CRTC3: variants seen among roughly 807,000 people sequenced by gnomAD.
CRTC3 encodes the protein CREB regulated transcription coactivator 3.
Under a neutral mutation model 74.5 loss-of-function variants are expected in CRTC3, and 26 were observed. The ratio of observed to expected loss-of-function variants is 0.35; its 90% CI spans 0.26 to 0.48. The LOEUF is 0.48. CRTC3 is among the 20% of genes least tolerant of loss of function. CRTC3 has a pLI of 0.99. For synonymous variants in CRTC3, 377 were observed against 325.8 expected, an observed-to-expected ratio of 1.16 and a Z score of -1.69; for missense variants, 760 against 787.3, an observed-to-expected ratio of 0.97 and a Z score of 0.41.
intron 3 of CRTC3, chr15:90,598,223 G>A (rs1459240561): frequency 1.8e-5 from 10 of 564,586 alleles, no homozygotes; most frequent in African/African-American, 7.6e-5. Context: ...TACACTGACC[G>A]CACAGGGACG....
Position 90,629,472 on chromosome 15 carries a change from T to A in CRTC3, c.1206T>A (p.His402Gln), listed in dbSNP as rs1277853908. 8 of 1,614,078 alleles carry A rather than the reference T, an allele frequency of 5.0e-6. No individual in the cohort carries two copies. The highest frequency in any genetic ancestry group is 6.8e-6 in the Non-Finnish European group (8 of 1,180,014). Residue 402 changes from histidine to glutamine, a missense_variant, in exon 11 of 15, where the codon CAT (histidine) becomes CAA (glutamine). By Grantham distance (24) the His-to-Gln change is conservative. This residue lies in a region of CRTC3 where 652 missense variants were observed against 635.2 expected (regional missense o/e 1.03). Transcript: ENST00000268184. Reference sequence around the variant, plus strand: ...CGCTTTCTCCTGGCCCTGAAGCACATCAAGGTTTCAGCAGACAGCTGTCTT... The same window carrying A: ...CGCTTTCTCCTGGCCCTGAAGCACAACAAGGTTTCAGCAGACAGCTGTCTT... ...PLTLSPGPEA[H>Q]QGFSRQLSST...
intron 2 of CRTC3, among the ~76,000 whole-genome samples, chr15:90,565,686 T>G (rs999772837): frequency 1.3e-5 from 2 of 152,224 alleles, no homozygotes; most frequent in Non-Finnish European, 2.9e-5. Context: ...TTTTCATTAT[T>G]ATATCTGTTA....
intron 11 of CRTC3, among the ~76,000 whole-genome samples, chr15:90,630,756 A>ATGTTT (rs1969008088): frequency 4.2e-5 from 1 of 23,632 alleles, no homozygotes; most frequent in African/African-American, 1.1e-4. Flanking sequence ...TTACAGCATC[A>ATGTTT]TTTTTTTTTT....
Position 90,638,577 on chromosome 15 carries a change from G to A in CRTC3, c.1398G>A (p.Glu466=). 1 of 1,613,058 alleles carries A rather than the reference G, an allele frequency of 6.2e-7. No individual in the cohort carries two copies. Among genetic ancestry groups the A allele is most frequent in the African/African-American group, 1.3e-5 (1 of 75,026 alleles). The change falls in exon 12 of 15, where the codon GAG becomes GAA. Residue 466 remains glutamate, a synonymous_variant. Transcript: ENST00000268184. ...TCCTGCAGCAGCCCCGCGCCCCTGA[G>A]GCCCCTGCCCAGCAGCCCCAGGCAG... ...QPLLQQPRAP[E]APAQQPQAAS...
At chr15:90,634,042 T>C (rs1159946019) in intron 11 of CRTC3, among the ~76,000 whole-genome samples, 1 of 152,162 alleles carries the variant, frequency 6.6e-6, no homozygotes, top group Non-Finnish European at 1.5e-5. Flanking sequence ...ATAATAGAAT[T>C]TTCCTAAATT....
intron 2 of CRTC3, among the ~76,000 whole-genome samples, chr15:90,554,699 A>C (rs1596079653): frequency 6.6e-6 from 1 of 152,200 alleles, no homozygotes; most frequent in Non-Finnish European, 1.5e-5. Flanking sequence ...TGTTACTAGT[A>C]CCTACTTCAC....
intron 2 of CRTC3, among the ~76,000 whole-genome samples, chr15:90,570,301 A>C (rs1481041818): frequency 6.6e-6 from 1 of 152,108 alleles, no homozygotes; most frequent in Non-Finnish European, 1.5e-5. Context: ...GGTGGGTGTG[A>C]GGGATGGAGG....
At chr15:90,600,362 C>T (rs71407313) in intron 3 of CRTC3, 11,838 of 152,330 alleles carry the variant, frequency 0.078, 642 homozygotes, top group East Asian at 0.16. Context: ...GGCCCCACTC[C>T]ATCAAGGCTC....
intron 5 of CRTC3, among the ~76,000 whole-genome samples, chr15:90,606,511 G>A (rs541520494): frequency 3.3e-5 from 5 of 151,476 alleles, no homozygotes; most frequent in African/African-American, 9.7e-5. Context: ...GCAGTGAGCC[G>A]AGATCACACC....
Position 90,629,295 on chromosome 15 carries a change from C to T in CRTC3, c.1029C>T (p.Ser343=), listed in dbSNP as rs1968950311. Residue 343 remains serine (S), a synonymous_variant, in exon 11 of 15, where the codon TCC becomes TCT. Coordinates refer to ENST00000268184, the MANE Select transcript of CRTC3 (RefSeq NM_022769.5). ...IQATLNKTVL[S]SSLNNHPQTS... is the part of the protein sequence containing the mutation. Reference sequence around the variant, plus strand: ...CCACGCTCAATAAGACTGTGCTTTCCTCTTCCTTAAATAACCACCCACAGA... The same window carrying T: ...CCACGCTCAATAAGACTGTGCTTTCTTCTTCCTTAAATAACCACCCACAGA... 1.2e-6 allele frequency: 2 copies of T among 1,614,034 alleles called. No homozygotes were observed. Among genetic ancestry groups the T allele is most frequent in the Non-Finnish European group, 8.5e-7 (1 of 1,180,026 alleles).
chr15:90,607,317 A>T, intron 5 of CRTC3, 61 bp from the exon 6 acceptor site: 1 of 933,274 alleles, frequency 1.1e-6, no homozygotes, highest in Non-Finnish European at 1.7e-6. Context: ...TTCAACAAAG[A>T]CTATTGCATT....
intron 2 of CRTC3, among the ~76,000 whole-genome samples, chr15:90,556,639 C>T (rs1233151908): frequency 1.3e-5 from 2 of 152,022 alleles, no homozygotes; most frequent in Non-Finnish European, 1.5e-5. Context: ...CTGTGTAATA[C>T]GTCTTATATA....
intron 13 of CRTC3, among the ~76,000 whole-genome samples, chr15:90,640,611 G>A (rs927486058): frequency 5.3e-5 from 8 of 152,078 alleles, no homozygotes; most frequent in African/African-American, 1.9e-4. Flanking sequence ...GAGCCTGGGA[G>A]CTGGAGGTTT....
In CRTC3 at chr15:90,644,280, G is replaced by T. The variant is rs1423366208; in HGVS notation, c.*2140G>T. The T allele has an allele frequency of 1.3e-5, 3 of 229,502 alleles. No individual in the cohort carries two copies. The allele number at this position is 229,502 out of a possible 1,614,324, so 14.2% of individuals were successfully genotyped here. Reference sequence around the variant, plus strand: ...CTACCCAGCACCCCATGTGCCAAAAGAAACCAGCTCCTGTGTCAAAGGGCT... The same window carrying T: ...CTACCCAGCACCCCATGTGCCAAAATAAACCAGCTCCTGTGTCAAAGGGCT... On this transcript the variant is annotated 3_prime_UTR_variant, in exon 15 of 15. Transcript: ENST00000268184.
At chr15:90,622,217 G>A (rs754233227) in intron 9 of CRTC3, among the ~76,000 whole-genome samples, 14 of 152,112 alleles carry the variant, frequency 9.2e-5, no homozygotes, top group Non-Finnish European at 1.6e-4. Context: ...ACCGGGGGGC[G>A]CATTACTTTC....
chr15:90,609,805 A>G (rs1350571606), intron 6 of CRTC3, among the ~76,000 whole-genome samples: 3 of 152,248 alleles, frequency 2.0e-5, no homozygotes, highest in Non-Finnish European at 2.9e-5. Flanking sequence ...CAGAGCAATG[A>G]GAAAAACAGG....
At chr15:90,632,874 G>C (rs1969091333) in intron 11 of CRTC3, among the ~76,000 whole-genome samples, 1 of 152,224 alleles carries the variant, frequency 6.6e-6, no homozygotes, top group African/African-American at 2.4e-5. Context: ...CAAAGTGCTG[G>C]ATTACAGGCA....
At chr15:90,598,668 G>A (rs1967992521) in intron 3 of CRTC3, 9 of 618,722 alleles carry the variant, frequency 1.5e-5, no homozygotes, top group Non-Finnish European at 2.6e-5. Context: ...TTGGATTTTT[G>A]GTAGAATTTG....
intron 11 of CRTC3, 149 bp downstream of exon 11, chr15:90,629,681 T>A: frequency 1.4e-6 from 1 of 691,518 alleles, no homozygotes; most frequent in Non-Finnish European, 2.4e-6. Flanking sequence ...CTCTTATATG[T>A]GAAATCAGAG....
Sources: allele counts gnomAD v4.1 joint callset (sites outside exome capture counted in the v4.1 genomes callset), GRCh38; gene constraint gnomAD v4.1.1; regional missense constraint gnomAD v4.1.1; transcripts MANE v1.5; gene names NCBI Gene and HGNC (gene_info 2026-07-23, HGNC 2026-07-21).